Variants in CDC42BPA observed in about 807,000 individuals in gnomAD.
CDC42BPA encodes CDC42 binding protein kinase alpha.
Under a neutral mutation model 223.5 loss-of-function variants are expected in CDC42BPA, and 80 were observed. The observed-to-expected ratio is 0.36, with a 90% CI of 0.30 to 0.43. The LOEUF is 0.43. Ranked by LOEUF, CDC42BPA falls within the 20% of genes least tolerant of loss-of-function variation. The pLI is 1.00. For synonymous variants in CDC42BPA, 694 were observed against 718.6 expected (o/e 0.97, Z 0.55); for missense variants, 1,743 against 2,099.9 (o/e 0.83, Z 3.32).
intron 1 of CDC42BPA, among the ~76,000 whole-genome samples, chr1:227,277,727 GAATA>G (rs1687347272): frequency 6.6e-6 from 1 of 152,026 alleles, no homozygotes; most frequent in Non-Finnish European, 1.5e-5. Flanking sequence ...AGAAAACTAG[GAATA>G]GATATACTGG....
chr1:227,298,356 AT>A (rs78547197), intron 1 of CDC42BPA, among the ~76,000 whole-genome samples: 1 of 151,768 alleles, frequency 6.6e-6, no homozygotes, highest in Non-Finnish European at 1.5e-5. Context: ...AACTTGAGGC[AT>A]TTTTTTTGTA....
chr1:227,117,214 ATC>A (rs957918659), intron 12 of CDC42BPA, among the ~76,000 whole-genome samples: 1 of 152,194 alleles, frequency 6.6e-6, no homozygotes, highest in Admixed American at 6.5e-5. Context: ...TATTCTGGAA[ATC>A]TGTGTGTATA....
chr1:226,996,027 C>G (rs1215362691), intron 35 of CDC42BPA, among the ~76,000 whole-genome samples: 1 of 152,220 alleles, frequency 6.6e-6, no homozygotes, highest in Admixed American at 6.5e-5. Context: ...AATACACAAG[C>G]GTTCATAAAT....
At chr1:227,077,363 T>C (rs985242688) in intron 17 of CDC42BPA, among the ~76,000 whole-genome samples, 2 of 152,324 alleles carry the variant, frequency 1.3e-5, no homozygotes, top group African/African-American at 4.8e-5. Flanking sequence ...TTTTAATCAA[T>C]AGAAGCTATT....
intron 1 of CDC42BPA, among the ~76,000 whole-genome samples, chr1:227,286,550 T>A (rs868452338): frequency 2.6e-5 from 4 of 152,192 alleles, no homozygotes; most frequent in Admixed American, 6.5e-5. Flanking sequence ...CTTCCTATCA[T>A]CTTCTTAGCC....
intron 21 of CDC42BPA, among the ~76,000 whole-genome samples, chr1:227,064,330 T>A (rs1185333016): frequency 6.6e-6 from 1 of 152,194 alleles, no homozygotes; most frequent in East Asian, 1.9e-4. Context: ...TAGCACATAT[T>A]TAATATATGA....
intron 1 of CDC42BPA, among the ~76,000 whole-genome samples, chr1:227,307,376 C>T (rs1692740772): frequency 6.6e-6 from 1 of 152,138 alleles, no homozygotes; most frequent in South Asian, 2.1e-4. Flanking sequence ...ACTTTATTAA[C>T]CACTTTCTGT....
chr1:227,263,443 T>C (rs1304771655), intron 1 of CDC42BPA, among the ~76,000 whole-genome samples: 3 of 152,170 alleles, frequency 2.0e-5, no homozygotes, highest in Non-Finnish European at 4.4e-5. Context: ...TTTATATCAA[T>C]TTACAGCATA....
At chr1:227,310,605 A>G (rs2148815814) in intron 1 of CDC42BPA, among the ~76,000 whole-genome samples, 1 of 152,314 alleles carries the variant, frequency 6.6e-6, no homozygotes, top group East Asian at 1.9e-4. Flanking sequence ...GCTAGCTAGA[A>G]AGAATAATCC....
intron 2 of CDC42BPA, among the ~76,000 whole-genome samples, chr1:227,228,742 T>C (rs1677295871): frequency 6.6e-6 from 1 of 152,238 alleles, no homozygotes; most frequent in Non-Finnish European, 1.5e-5. Flanking sequence ...AAGGGGTATC[T>C]CACTGTAGTT....
intron 14 of CDC42BPA, among the ~76,000 whole-genome samples, chr1:227,110,880 C>G (rs893411696): frequency 6.6e-6 from 1 of 152,158 alleles, no homozygotes; most frequent in Non-Finnish European, 1.5e-5. Context: ...TGACTTGCAA[C>G]CACTGAAATT....
At chr1:227,120,251 C>G (rs937447286) in intron 11 of CDC42BPA, among the ~76,000 whole-genome samples, 1 of 151,674 alleles carries the variant, frequency 6.6e-6, no homozygotes, top group African/African-American at 2.4e-5. Flanking sequence ...ACAATAAAAC[C>G]AACCAAAAAA....
At chr1:227,086,043 TAG>T (rs2149193603) in intron 16 of CDC42BPA, among the ~76,000 whole-genome samples, 1 of 152,336 alleles carries the variant, frequency 6.6e-6, no homozygotes, top group Non-Finnish European at 1.5e-5. Context: ...TCTGTTTCTG[TAG>T]AAACATTTTC....
intron 32 of CDC42BPA, among the ~76,000 whole-genome samples, chr1:227,019,325 C>T (rs1666931461): frequency 6.6e-6 from 1 of 152,200 alleles, no homozygotes; most frequent in South Asian, 2.1e-4. Context: ...ATTCAGTCTC[C>T]ACTTCTAATT....
chr1:227,196,376 G>C (rs1303401484), intron 4 of CDC42BPA, among the ~76,000 whole-genome samples: 1 of 80,138 alleles, frequency 1.2e-5, no homozygotes, highest in Non-Finnish European at 2.4e-5. Context: ...GTCTCCCTCT[G>C]TTGCCCAGGC....
intron 22 of CDC42BPA, among the ~76,000 whole-genome samples, chr1:227,050,854 GTT>G (rs1673397084): frequency 6.6e-6 from 1 of 152,128 alleles, no homozygotes; most frequent in Non-Finnish European, 1.5e-5. Context: ...ACACGAGGAT[GTT>G]TCAACTGTTT....
In CDC42BPA at chr1:227,072,191, A is replaced by AAC. The variant is rs1169184013; in HGVS notation, c.2827+15_2827+16dup. 1 of 1,450,816 alleles carries AAC rather than the reference A, an allele frequency of 6.9e-7. No individual in the cohort carries two copies. The highest frequency in any genetic ancestry group is 9.5e-7 in the Non-Finnish European group (1 of 1,048,834). 89.9% of individuals were successfully genotyped at this position (1,450,816 alleles called of 1,614,324 possible). A position where few individuals can be genotyped will look rare whatever the true frequency, so the allele number is the denominator to read the frequency against. ...ATAACAGTAAGTCCTGAGTGAGGCA[A>AAC]ACACACACTCCCATACCCTTTTCAG... On this transcript the variant is annotated intron_variant, in intron 20 of 36. Transcript: ENST00000366766.
rs191870098 is a variant in CDC42BPA, at chr1:227,004,908, A to T, written c.4975+86T>A. On this transcript the variant is annotated intron_variant, in intron 35 of 36. Coordinates refer to ENST00000366766, the MANE Select transcript of CDC42BPA (RefSeq NM_001394014.1). ...AGAATGCAATGGGCACACGTAAGTG[A>T]AGGACATGTCACCCACGGGACAGGA... 6 of 903,606 alleles carry T rather than the reference A, an allele frequency of 6.6e-6. No individual in the cohort carries two copies. The East Asian group carries it at 1.4e-4, about 22-fold the overall frequency. The allele number at this position is 903,606 out of a possible 1,614,324, so 56.0% of individuals were successfully genotyped here. A position where few individuals can be genotyped will look rare whatever the true frequency, so the allele number is the denominator to read the frequency against.
At chr1:227,098,259 A>T (rs1054415938) in intron 15 of CDC42BPA, among the ~76,000 whole-genome samples, 3 of 148,520 alleles carry the variant, frequency 2.0e-5, no homozygotes, top group African/African-American at 7.4e-5. Flanking sequence ...CCCAAGGCTC[A>T]GTTCTAAGAA....
Sources: allele counts gnomAD v4.1 joint callset (sites outside exome capture counted in the v4.1 genomes callset), GRCh38; gene constraint gnomAD v4.1.1; transcripts MANE v1.5; gene names NCBI Gene and HGNC (gene_info 2026-07-23, HGNC 2026-07-21).